Variants in SNAP29 observed in about 807,000 individuals in gnomAD.
The protein encoded by SNAP29 is synaptosome associated protein 29.
SNAP29 carries 13 observed loss-of-function variants against 27.9 expected under a neutral mutation model. The ratio of observed to expected loss-of-function variants is 0.47; its 90% CI spans 0.30 to 0.74. The LOEUF (loss-of-function observed/expected upper bound fraction) is 0.74. Ranked by LOEUF, SNAP29 falls within the 30% of genes least tolerant of loss-of-function variation. The probability of loss-of-function intolerance (pLI) is 0.06; values close to 1 mark genes in which losing one functional copy is unlikely to be tolerated. For synonymous variants in SNAP29, 119 were observed against 127.1 expected, an observed-to-expected ratio of 0.94 and a Z score of 0.43; for missense variants, 368 against 336.5, an observed-to-expected ratio of 1.09 and a Z score of -0.73.
At chr22:20,862,451 A>G (rs1041920598) in intron 1 of SNAP29, among the ~76,000 whole-genome samples, 1 of 152,214 alleles carries the variant, frequency 6.6e-6, no homozygotes, top group African/African-American at 2.4e-5. Flanking sequence ...TCCTGGGTCC[A>G]GAGGAGGGAC....
intron 2 of SNAP29, among the ~76,000 whole-genome samples, chr22:20,878,535 G>A (rs779469625): frequency 2.0e-5 from 3 of 151,998 alleles, no homozygotes; most frequent in Admixed American, 1.3e-4. Flanking sequence ...TGGAGATCAC[G>A]CCACTGCACT....
rs532877196 is a variant in SNAP29, at chr22:20,875,928, A to G, written c.435-5121A>G. ...GTAATCCCAGCACTTTTGGGAGGCTAAGGTGGGCGGATCACGAGGTCAGGA... is the reference window on the plus strand; with the variant it reads ...GTAATCCCAGCACTTTTGGGAGGCTGAGGTGGGCGGATCACGAGGTCAGGA... On this transcript the variant is annotated intron_variant, in intron 2 of 4. Transcript: ENST00000215730. 1.4e-4 allele frequency among the ~76,000 whole-genome samples: 21 copies of G among 152,102 alleles called. No individual in the cohort carries two copies. The East Asian group carries it at 3.9e-3, about 28-fold the overall frequency.
At chr22:20,884,497 C>T (rs763266178) in intron 4 of SNAP29, among the ~76,000 whole-genome samples, 2 of 152,136 alleles carry the variant, frequency 1.3e-5, no homozygotes, top group Non-Finnish European at 2.9e-5. Context: ...CTTTCTGCCT[C>T]GTGGCCCCTA....
intron 1 of SNAP29, among the ~76,000 whole-genome samples, chr22:20,865,036 T>A (rs1305674007): frequency 6.6e-6 from 1 of 152,172 alleles, no homozygotes; most frequent in Non-Finnish European, 1.5e-5. Context: ...TTAATTAATT[T>A]TTGGTAAACT....
chr22:20,875,870 TGGG>T (rs61433299), intron 2 of SNAP29, among the ~76,000 whole-genome samples: 490 of 147,786 alleles, frequency 3.3e-3, no homozygotes, highest in Middle Eastern at 0.018. Flanking sequence ...AAAAAAAAAA[TGGG>T]GGGGCGGCTG....
In SNAP29 at chr22:20,870,347, G is replaced by A. The variant is rs376804737; in HGVS notation, c.248G>A (p.Arg83His). 20 of 1,614,028 alleles carry A rather than the reference G, an allele frequency of 1.2e-5. No individual in the cohort carries two copies. Among genetic ancestry groups the A allele is most frequent in the South Asian group, 6.6e-5 (6 of 91,074 alleles). ...TCTCGGTTTCCCCAGGAGCTCGCCCGTCAGCGAGGAGTCCTGGAGCGCACA... is the reference window on the plus strand; with the variant it reads ...TCTCGGTTTCCCCAGGAGCTCGCCCATCAGCGAGGAGTCCTGGAGCGCACA... The part of the protein sequence containing the change: ...VGVASSEELA[R>H]QRGVLERTEK... Residue 83 changes from arginine to histidine, a missense_variant, in exon 2 of 5, where the codon CGT (arginine) becomes CAT (histidine). Transcript: ENST00000215730.
At chr22:20,864,932 A>G (rs973896152) in intron 1 of SNAP29, among the ~76,000 whole-genome samples, 2 of 152,242 alleles carry the variant, frequency 1.3e-5, no homozygotes, top group Non-Finnish European at 2.9e-5. Context: ...GCATCCCAAC[A>G]CATGTCAGGC....
intron 1 of SNAP29, among the ~76,000 whole-genome samples, chr22:20,861,137 G>C (rs373133675): frequency 8.6e-5 from 2 of 23,146 alleles, no homozygotes; most frequent in African/African-American, 4.0e-4. Flanking sequence ...TTTTTTTTTT[G>C]AGACAGATTC....
chr22:20,864,420 C>A (rs1162798268), intron 1 of SNAP29, among the ~76,000 whole-genome samples: 3 of 152,100 alleles, frequency 2.0e-5, no homozygotes, highest in African/African-American at 7.2e-5. Flanking sequence ...AGGAGGACAC[C>A]CCTCCTGGCC....
intron 1 of SNAP29, among the ~76,000 whole-genome samples, chr22:20,863,141 G>A (rs1231546476): frequency 1.3e-5 from 2 of 152,050 alleles, no homozygotes; most frequent in Non-Finnish European, 2.9e-5. Flanking sequence ...TGCACACCTT[G>A]GCCTCCCAGT....
intron 4 of SNAP29, among the ~76,000 whole-genome samples, chr22:20,885,871 C>T (rs1030266097): frequency 2.0e-5 from 3 of 152,238 alleles, no homozygotes; most frequent in Non-Finnish European, 2.9e-5. Context: ...CTCTTCCCGT[C>T]TTAACACTAT....
At position 20,888,929 on chromosome 22, in the gene SNAP29, G is replaced by C. The variant is rs1929088832; in HGVS notation, c.*1093G>C. ...TTTGTATAGAAGGATTTTGCTAAGG[G>C]GGCAAAAAGCCCAGATACCATTTTA... On this transcript the variant is annotated 3_prime_UTR_variant, in exon 5 of 5. Coordinates refer to ENST00000215730, the MANE Select transcript of SNAP29 (RefSeq NM_004782.4). The C allele has an allele frequency of 6.6e-6, 1 of 152,118 alleles. No homozygotes were observed. Among genetic ancestry groups the C allele is most frequent in the Non-Finnish European group, 1.5e-5 (1 of 68,034 alleles). 9.4% of individuals were successfully genotyped at this position (152,118 alleles called of 1,614,324 possible). A position where few individuals can be genotyped will look rare whatever the true frequency, so the allele number is the denominator to read the frequency against.
chr22:20,871,010 T>C, intron 2 of SNAP29: 1 of 245,546 alleles, frequency 4.1e-6, no homozygotes, highest in Non-Finnish European at 8.0e-6. Flanking sequence ...ACACCTGTAG[T>C]CCCAGCTCCT....
intron 2 of SNAP29, among the ~76,000 whole-genome samples, chr22:20,878,824 G>T (rs1490772572): frequency 1.3e-5 from 2 of 152,164 alleles, no homozygotes; most frequent in African/African-American, 4.8e-5. Context: ...ACCTTAGGGG[G>T]CTCAGCAGGA....
At chr22:20,887,569 C>G (rs1405639684) in intron 4 of SNAP29, 110 bp from the exon 5 acceptor site, 2 of 1,171,724 alleles carry the variant, frequency 1.7e-6, no homozygotes, top group Non-Finnish European at 2.6e-6. Flanking sequence ...GGTGCAGTCC[C>G]CCCAGGCAAC....
intron 2 of SNAP29, among the ~76,000 whole-genome samples, chr22:20,877,106 T>C (rs1015133889): frequency 6.6e-6 from 1 of 152,226 alleles, no homozygotes; most frequent in Non-Finnish European, 1.5e-5. Flanking sequence ...TACTGTCTTA[T>C]CACTTTTCTC....
intron 4 of SNAP29, among the ~76,000 whole-genome samples, chr22:20,885,091 A>G (rs1928982051): frequency 6.6e-6 from 1 of 151,978 alleles, no homozygotes; most frequent in Non-Finnish European, 1.5e-5. Context: ...TTATTTTTTG[A>G]ATGGAAAAGT....
chr22:20,879,082 C>A (rs186462796), intron 2 of SNAP29, among the ~76,000 whole-genome samples: 1 of 152,054 alleles, frequency 6.6e-6, no homozygotes, highest in Non-Finnish European at 1.5e-5. Context: ...CCAAGGTGGG[C>A]GGATCACGAG....
At chr22:20,887,307 C>T (rs1209556847) in intron 4 of SNAP29, among the ~76,000 whole-genome samples, 1 of 151,484 alleles carries the variant, frequency 6.6e-6, no homozygotes, top group Non-Finnish European at 1.5e-5. Context: ...TCCTTTTTCT[C>T]TTAGTGTTTT....
Sources: gnomAD v4.1 joint callset for allele counts (sites outside exome capture counted in the v4.1 genomes callset) on GRCh38, gnomAD v4.1.1 for gene constraint, MANE v1.5 for transcripts, NCBI Gene and HGNC (gene_info 2026-07-23, HGNC 2026-07-21) for gene names.